CTNNA3: variants seen among roughly 807,000 people sequenced by gnomAD.
CTNNA3 encodes the protein catenin alpha-3.
A neutral mutation model predicts 95.7 loss-of-function variants in CTNNA3; 76 were observed. The observed-to-expected ratio is 0.79, with a 90% confidence interval of 0.66 to 0.96. The LOEUF (loss-of-function observed/expected upper bound fraction) is 0.96. Among genes scored for constraint, CTNNA3 ranks in the 40% least tolerant of loss-of-function variants. CTNNA3 has a pLI of 0.00. For missense variants in CTNNA3, 1,191 were observed against 1,089.8 expected, an observed-to-expected ratio of 1.09 and a Z score of -1.31; for synonymous variants, 431 against 374.4, an observed-to-expected ratio of 1.15 and a Z score of -1.74.
At chr10:66,195,960 C>A (rs1403122539) in intron 13 of CTNNA3, among the ~76,000 whole-genome samples, 1 of 152,114 alleles carries the variant, frequency 6.6e-6, no homozygotes, top group Non-Finnish European at 1.5e-5. Flanking sequence ...TTCTTAGCTA[C>A]ACACACATAC....
At chr10:66,926,859 G>T in intron 7 of CTNNA3, 10 of 1,410,572 alleles carry the variant, frequency 7.1e-6, no homozygotes, top group Non-Finnish European at 9.5e-6. Flanking sequence ...GCCTATTTTT[G>T]CTTGATTAAG....
chr10:65,988,828 G>A, intron 15 of CTNNA3, 31 bp from the exon 16 acceptor site: 2 of 1,493,852 alleles, frequency 1.3e-6, no homozygotes, highest in Non-Finnish European at 1.9e-6. Flanking sequence ...GTTAGCTGTG[G>A]TGTTCATGAG....
chr10:66,095,645 G>GT (rs772243988), intron 14 of CTNNA3, among the ~76,000 whole-genome samples: 2 of 152,010 alleles, frequency 1.3e-5, no homozygotes, highest in Non-Finnish European at 2.9e-5. Context: ...GTAACTGCAT[G>GT]TAAACAAGCA....
chr10:66,044,441 T>C (rs1451083167), intron 15 of CTNNA3, among the ~76,000 whole-genome samples: 1 of 151,950 alleles, frequency 6.6e-6, no homozygotes, highest in Non-Finnish European at 1.5e-5. Context: ...TTTTTAGAAA[T>C]TTCTTCTCAT....
In CTNNA3 at chr10:65,995,312, G is replaced by A. The variant is rs186347126; in HGVS notation, c.2160-6515C>T. On this transcript the variant is annotated intron_variant, in intron 15 of 17. Coordinates refer to ENST00000433211, the MANE Select transcript of CTNNA3 (RefSeq NM_013266.4). ...TTTTTTTGGATTGTCTTTTGTAGGG[G>A]AAGGTCCTAAAGATCTATCTGTAGT... 6.4e-3 allele frequency among the ~76,000 whole-genome samples: 972 copies of A among 152,262 alleles called. 41 individuals are homozygous for A. The highest frequency in any genetic ancestry group is 8.1e-4 in the Non-Finnish European group (55 of 68,018).
intron 12 of CTNNA3, among the ~76,000 whole-genome samples, chr10:66,333,450 A>G (rs1299485096): frequency 1.3e-5 from 2 of 151,996 alleles, no homozygotes; most frequent in Non-Finnish European, 2.9e-5. Context: ...GTTGGTTTCA[A>G]GGAATATCTT....
At chr10:66,020,668 A>ATTTTT (rs10687414) in intron 15 of CTNNA3, among the ~76,000 whole-genome samples, 4,106 of 136,654 alleles carry the variant, frequency 0.03, 111 homozygotes, top group East Asian at 0.059. Context: ...GATGATCTGA[A>ATTTTT]TTTTTTTTTT....
chr10:67,469,687 A>G (rs1847745098), intron 5 of CTNNA3, among the ~76,000 whole-genome samples: 1 of 152,160 alleles, frequency 6.6e-6, no homozygotes, highest in Admixed American at 6.5e-5. Context: ...GCAGCAAACC[A>G]CCATGGCACA....
At chr10:67,478,782 T>C (rs928128290) in intron 5 of CTNNA3, among the ~76,000 whole-genome samples, 7 of 151,796 alleles carry the variant, frequency 4.6e-5, no homozygotes, top group Admixed American at 2.0e-4. Context: ...TATATCAATA[T>C]TAACCTTGAA....
intron 13 of CTNNA3, among the ~76,000 whole-genome samples, chr10:66,197,660 T>C (rs2087052329): frequency 6.6e-6 from 1 of 152,176 alleles, no homozygotes; most frequent in Non-Finnish European, 1.5e-5. Flanking sequence ...AAGAGGCCAG[T>C]GAAAGCCAAG....
chr10:66,398,795 G>C (rs1404193004), intron 11 of CTNNA3, among the ~76,000 whole-genome samples: 2 of 151,922 alleles, frequency 1.3e-5, no homozygotes, highest in African/African-American at 2.4e-5. Context: ...AGCCTACATA[G>C]CTTATTCTCC....
intron 7 of CTNNA3, among the ~76,000 whole-genome samples, chr10:66,888,879 A>C (rs1845148524): frequency 6.6e-6 from 1 of 152,176 alleles, no homozygotes; most frequent in Non-Finnish European, 1.5e-5. Context: ...TTTGCCCCAA[A>C]GGAGTTGAAA....
intron 5 of CTNNA3, among the ~76,000 whole-genome samples, chr10:67,226,859 G>T (rs10082415): frequency 0.35 from 53,798 of 151,942 alleles, 14,592 homozygotes; most frequent in African/African-American, 0.76. Flanking sequence ...AGACAACAAA[G>T]AGCATGATGA....
intron 9 of CTNNA3, among the ~76,000 whole-genome samples, chr10:66,672,426 C>T (rs942763656): frequency 5.3e-5 from 8 of 152,010 alleles, no homozygotes; most frequent in African/African-American, 1.7e-4. Context: ...AACAAGAAAG[C>T]CACTTTCCTA....
chr10:66,690,657 A>G (rs1847490543), intron 9 of CTNNA3, among the ~76,000 whole-genome samples: 1 of 151,648 alleles, frequency 6.6e-6, no homozygotes, highest in African/African-American at 2.4e-5. Flanking sequence ...TGAACTCATC[A>G]TTTTTTATGG....
chr10:66,183,200 G>A (rs1040165237), intron 13 of CTNNA3, among the ~76,000 whole-genome samples: 4 of 152,164 alleles, frequency 2.6e-5, no homozygotes, highest in Non-Finnish European at 4.4e-5. Context: ...TAAGCCAAGG[G>A]CCAAATCTGG....
intron 11 of CTNNA3, among the ~76,000 whole-genome samples, chr10:66,394,257 G>A (rs979228784): frequency 1.3e-5 from 2 of 150,240 alleles, no homozygotes; most frequent in African/African-American, 4.9e-5. Context: ...GTATTCTAGA[G>A]ACATCACCAG....
At position 66,192,698 on chromosome 10, in the gene CTNNA3, A is replaced by C. The variant is rs540173931; in HGVS notation, c.1884+87772T>G. On this transcript the variant is annotated intron_variant, in intron 13 of 17. Transcript: ENST00000433211. ...AGCCTGCCTTTATTTATTCAAGGAT[A>C]ACACTCTTTCTTCTACTTTATGATG... 1.7e-4 allele frequency among the ~76,000 whole-genome samples: 26 copies of C among 152,260 alleles called. No homozygotes were observed. The East Asian group carries it at 4.6e-3, about 27-fold the overall frequency.
At chr10:67,710,018 C>T (rs1200326516) in intron 1 of CTNNA3, among the ~76,000 whole-genome samples, 1 of 152,076 alleles carries the variant, frequency 6.6e-6, no homozygotes, top group African/African-American at 2.4e-5. Flanking sequence ...AAAACTGCCC[C>T]TGCGGTGGAA....
Sources: allele counts gnomAD v4.1 joint callset (sites outside exome capture counted in the v4.1 genomes callset), GRCh38; gene constraint gnomAD v4.1.1; transcripts MANE v1.5; gene names NCBI Gene and HGNC (gene_info 2026-07-23, HGNC 2026-07-21).